Variants in E2F3 observed in about 807,000 individuals in gnomAD.
E2F3 encodes the protein transcription factor E2F3.
In E2F3, 11 loss-of-function variants were observed where a neutral mutation model predicts 44.4. The ratio of observed to expected loss-of-function variants is 0.25; its 90% confidence interval spans 0.16 to 0.41. The LOEUF (loss-of-function observed/expected upper bound fraction) is 0.41, where lower values mean the gene tolerates loss of function less well. Ranked by LOEUF, E2F3 falls within the 10% of genes least tolerant of loss-of-function variation. The pLI, the probability that E2F3 is intolerant of heterozygous loss-of-function variation, is 1.00. For missense variants in E2F3, 487 were observed against 583.6 expected, an observed-to-expected ratio of 0.83 and a Z score of 1.70; for synonymous variants, 249 against 253.0, an observed-to-expected ratio of 0.98 and a Z score of 0.15.
At chr6:20,403,595 G>A in intron 1 of E2F3, 2 of 460,770 alleles carry the variant, frequency 4.3e-6, no homozygotes, top group South Asian at 3.3e-5. Flanking sequence ...GGGCGCTGGA[G>A]GGGGAGAGGG....
intron 2 of E2F3, among the ~76,000 whole-genome samples, chr6:20,480,401 T>G (rs1441579832): frequency 6.6e-6 from 1 of 152,202 alleles, no homozygotes; most frequent in Non-Finnish European, 1.5e-5. Flanking sequence ...GCTGTTTCTC[T>G]TTCTATCAAA....
chr6:20,446,467 A>G (rs1253865446), intron 1 of E2F3, among the ~76,000 whole-genome samples: 1 of 152,204 alleles, frequency 6.6e-6, no homozygotes, highest in Non-Finnish European at 1.5e-5. Flanking sequence ...ATCATACCAC[A>G]AGTAGCACTT....
At chr6:20,464,400 G>A (rs574751691) in intron 1 of E2F3, among the ~76,000 whole-genome samples, 1 of 152,300 alleles carries the variant, frequency 6.6e-6, no homozygotes, top group South Asian at 2.1e-4. Flanking sequence ...CAGGTAGGTA[G>A]CATGATCTCT....
At chr6:20,473,198 T>G (rs1238958885) in intron 1 of E2F3, among the ~76,000 whole-genome samples, 1 of 152,178 alleles carries the variant, frequency 6.6e-6, no homozygotes, top group Non-Finnish European at 1.5e-5. Context: ...AAAGAAGAGT[T>G]TTTAAATCAG....
intron 1 of E2F3, among the ~76,000 whole-genome samples, chr6:20,404,688 G>A (rs1056107621): frequency 1.3e-5 from 2 of 151,486 alleles, no homozygotes; most frequent in Admixed American, 6.6e-5. Flanking sequence ...ATACTTGCTG[G>A]GCATGTGTGA....
chr6:20,486,062 G>C (rs1215588371), intron 4 of E2F3, among the ~76,000 whole-genome samples: 1 of 152,034 alleles, frequency 6.6e-6, no homozygotes, highest in Non-Finnish European at 1.5e-5. Flanking sequence ...AAGGACCCTG[G>C]CTTCAAGATA....
chr6:20,463,973 A>C (rs921611995), intron 1 of E2F3, among the ~76,000 whole-genome samples: 8 of 152,190 alleles, frequency 5.3e-5, no homozygotes, highest in Non-Finnish European at 1.2e-4. Context: ...AGGTCACAGA[A>C]CTCAGGGAAA....
chr6:20,487,343 T>G lies in E2F3; in HGVS notation c.999+540T>G, dbSNP rs4134965. Among the ~76,000 whole-genome samples the G allele has an allele frequency of 5.6e-3, 855 of 152,138 alleles. 12 individuals carry two copies. In the East Asian group the frequency reaches 0.059, roughly 11 times the overall value. On this transcript the variant is annotated intron_variant, in intron 5 of 6. Transcript: ENST00000346618. ...ATAAAGAGTTGTAGTAAAAAGAAAA[T>G]GCATAGGAGATAAAAAGAGAATGAA...
At chr6:20,448,561 T>C (rs1030512757) in intron 1 of E2F3, among the ~76,000 whole-genome samples, 1 of 152,182 alleles carries the variant, frequency 6.6e-6, no homozygotes, top group African/African-American at 2.4e-5. Flanking sequence ...CAGATAGACA[T>C]AGAGGTACTT....
At chr6:20,479,234 C>T (rs887610310) in intron 1 of E2F3, among the ~76,000 whole-genome samples, 1 of 152,340 alleles carries the variant, frequency 6.6e-6, no homozygotes, top group South Asian at 2.1e-4. Context: ...ATCACCCTTT[C>T]TCTCATTGAA....
intron 5 of E2F3, 84 bp downstream of exon 5, chr6:20,486,887 T>A: frequency 1.2e-6 from 1 of 829,122 alleles, no homozygotes; most frequent in Non-Finnish European, 1.9e-6. Context: ...ATAGTTAAAG[T>A]CTGTCCCCCT....
intron 1 of E2F3, among the ~76,000 whole-genome samples, chr6:20,471,136 T>G (rs1172244836): frequency 6.6e-6 from 1 of 152,266 alleles, no homozygotes; most frequent in Non-Finnish European, 1.5e-5. Context: ...TTGCTTTCTA[T>G]GCATATAATT....
chr6:20,472,807 G>T (rs1225172168), intron 1 of E2F3, among the ~76,000 whole-genome samples: 1 of 152,186 alleles, frequency 6.6e-6, no homozygotes, highest in African/African-American at 2.4e-5. Context: ...TTGGAAAAAT[G>T]ATTATAGGAG....
intron 1 of E2F3, among the ~76,000 whole-genome samples, chr6:20,431,359 C>T (rs374232680): frequency 3.9e-5 from 6 of 152,318 alleles, no homozygotes; most frequent in African/African-American, 1.2e-4. Flanking sequence ...TACAGTACTC[C>T]GTCTGCTCCC....
chr6:20,432,759 G>A (rs116380957), intron 1 of E2F3, among the ~76,000 whole-genome samples: 1,571 of 152,280 alleles, frequency 0.01, 31 homozygotes, highest in African/African-American at 0.036. Context: ...GTTTCCTCAC[G>A]TAGACTGTCT....
chr6:20,483,140 G>A (rs970422455), intron 4 of E2F3, among the ~76,000 whole-genome samples: 10 of 152,102 alleles, frequency 6.6e-5, no homozygotes, highest in Middle Eastern at 3.4e-3. Flanking sequence ...TCACCAACTC[G>A]ATCCTATTAT....
intron 1 of E2F3, among the ~76,000 whole-genome samples, chr6:20,415,519 C>A (rs376032869): frequency 2.6e-5 from 4 of 152,152 alleles, no homozygotes; most frequent in Non-Finnish European, 4.4e-5. Flanking sequence ...TAACAACAAT[C>A]GAAATTATCT....
intron 1 of E2F3, among the ~76,000 whole-genome samples, chr6:20,463,131 G>A (rs1030413081): frequency 2.0e-5 from 3 of 151,826 alleles, no homozygotes; most frequent in Admixed American, 6.6e-5. Flanking sequence ...TGTTGCCCAC[G>A]CTGTTCTTGA....
intron 1 of E2F3, among the ~76,000 whole-genome samples, chr6:20,462,458 C>CT (rs111956411): frequency 0.013 from 1,830 of 139,404 alleles, 13 homozygotes; most frequent in Middle Eastern, 0.052. Flanking sequence ...TTCACTAATT[C>CT]TTTTTTTTTT....
Sources: allele counts gnomAD v4.1 joint callset (sites outside exome capture counted in the v4.1 genomes callset), GRCh38; gene constraint gnomAD v4.1.1; transcripts MANE v1.5; gene names NCBI Gene and HGNC (gene_info 2026-07-23, HGNC 2026-07-21).